The following C12orf60 variants were observed in gnomAD, a reference collection of about 807,000 sequenced individuals.
C12orf60 encodes chromosome 12 open reading frame 60.
For synonymous variants in C12orf60, 102 were observed against 94.6 expected, an observed-to-expected ratio of 1.08 and a Z score of -0.45; for missense variants, 284 against 283.2, an observed-to-expected ratio of 1.00 and a Z score of -0.02.
intron 1 of C12orf60, chr12:14,806,525 G>T (rs1261424186): frequency 6.2e-7 from 1 of 1,614,066 alleles, no homozygotes; most frequent in East Asian, 2.2e-5. Context: ...TCTCAATGGA[G>T]GCCAGCCTGC....
intron 1 of C12orf60, chr12:14,806,759 A>C (rs1950058743): frequency 1.4e-6 from 2 of 1,396,500 alleles, no homozygotes; most frequent in Admixed American, 2.3e-5. Flanking sequence ...ACTGTGTAGA[A>C]GGGACTAGGA....
At chr12:14,815,632 T>C (rs1950203319) in intron 1 of C12orf60, among the ~76,000 whole-genome samples, 1 of 152,194 alleles carries the variant, frequency 6.6e-6, no homozygotes, top group East Asian at 1.9e-4. Context: ...TTTGGAGATT[T>C]GGATTTCAGG....
intron 1 of C12orf60, among the ~76,000 whole-genome samples, chr12:14,817,951 G>A (rs1950248271): frequency 6.6e-6 from 1 of 152,018 alleles, no homozygotes; most frequent in African/African-American, 2.4e-5. Context: ...CCACTAACAG[G>A]GTAAAAGCAT....
intron 1 of C12orf60, among the ~76,000 whole-genome samples, chr12:14,808,873 G>T (rs1470560068): frequency 6.6e-6 from 1 of 152,134 alleles, no homozygotes; most frequent in Non-Finnish European, 1.5e-5. Flanking sequence ...TCCCTTTAAA[G>T]AAATTGCTTG....
chr12:14,810,773 A>C (rs185679871), intron 1 of C12orf60, among the ~76,000 whole-genome samples: 6 of 152,338 alleles, frequency 3.9e-5, no homozygotes, highest in Non-Finnish European at 1.5e-5. Flanking sequence ...GCTGGGCACC[A>C]CATGGAGAAC....
intron 1 of C12orf60, among the ~76,000 whole-genome samples, chr12:14,819,732 G>C (rs1313081599): frequency 1.3e-5 from 2 of 151,968 alleles, no homozygotes; most frequent in Non-Finnish European, 2.9e-5. Flanking sequence ...ATTTAAAAAT[G>C]CCTTTTCTGC....
chr12:14,823,758 C>A lies in C12orf60; in HGVS notation c.*85C>A. 7.8e-7 allele frequency: 1 copy of A among 1,286,826 alleles called. No individual in the cohort carries two copies. Among genetic ancestry groups the A allele is most frequent in the Non-Finnish European group, 1.0e-6 (1 of 954,320 alleles). 79.7% of individuals were successfully genotyped at this position (1,286,826 alleles called of 1,614,324 possible). A position where few individuals can be genotyped will look rare whatever the true frequency, so the allele number is the denominator to read the frequency against. ...TAGTAGTTTCTAAGATCTTTTGGTGCCAAACATGTGCTATGTTAGAACATA... is the reference window on the plus strand; with the variant it reads ...TAGTAGTTTCTAAGATCTTTTGGTGACAAACATGTGCTATGTTAGAACATA... On this transcript the variant is annotated 3_prime_UTR_variant, in exon 2 of 2. Coordinates refer to ENST00000330828, the MANE Select transcript of C12orf60 (RefSeq NM_175874.4).
At chr12:14,818,341 TTTTGGCTTTTG>T (rs1203670571) in intron 1 of C12orf60, among the ~76,000 whole-genome samples, 2 of 152,244 alleles carry the variant, frequency 1.3e-5, no homozygotes, top group African/African-American at 4.8e-5. Flanking sequence ...CATTTGTCAA[TTTTGGCTTTTG>T]TTGCAATTGC....
chr12:14,818,118 G>A (rs981618984), intron 1 of C12orf60, among the ~76,000 whole-genome samples: 9 of 152,100 alleles, frequency 5.9e-5, no homozygotes, highest in African/African-American at 9.7e-5. Flanking sequence ...TTTGTTGGTC[G>A]TGTAAAGATC....
chr12:14,818,931 ACT>A (rs1356793787), intron 1 of C12orf60, among the ~76,000 whole-genome samples: 1 of 151,566 alleles, frequency 6.6e-6, no homozygotes, highest in Non-Finnish European at 1.5e-5. Flanking sequence ...GAGTCCTCTA[ACT>A]CTGTTCCTTT....
intron 1 of C12orf60, among the ~76,000 whole-genome samples, chr12:14,819,991 G>A (rs1167211790): frequency 6.6e-6 from 1 of 151,992 alleles, no homozygotes; most frequent in African/African-American, 2.4e-5. Flanking sequence ...GAAACCATCT[G>A]TGCCTTGATT....
At chr12:14,809,766 A>G (rs1482910751) in intron 1 of C12orf60, among the ~76,000 whole-genome samples, 1 of 152,214 alleles carries the variant, frequency 6.6e-6, no homozygotes, top group African/African-American at 2.4e-5. Context: ...CCAATGTAAA[A>G]AGAACTGAAA....
intron 1 of C12orf60, among the ~76,000 whole-genome samples, chr12:14,812,021 A>G (rs989369470): frequency 1.3e-5 from 2 of 152,244 alleles, no homozygotes; most frequent in East Asian, 1.9e-4. Flanking sequence ...TAAACCTACC[A>G]TTTCACTTTT....
rs1322849691 is a variant in C12orf60, at chr12:14,823,501, A to G, written c.566A>G (p.Lys189Arg). 18 of 1,613,100 alleles carry G rather than the reference A, an allele frequency of 1.1e-5. No homozygotes were observed. Among genetic ancestry groups the G allele is most frequent in the Non-Finnish European group, 1.5e-5 (18 of 1,179,762 alleles). ...SSKTTMIDTLKKLQDVLKTED... is the reference protein window; with the variant it reads ...SSKTTMIDTLRKLQDVLKTED... Reference sequence around the variant, plus strand: ...AAAACCACTATGATAGACACCTTGAAAAAACTGCAGGATGTACTAAAAACT... The same window carrying G: ...AAAACCACTATGATAGACACCTTGAGAAAACTGCAGGATGTACTAAAAACT... Residue 189 changes from lysine to arginine, a missense_variant, in exon 2 of 2, where the codon AAA becomes AGA. Lys to Arg is a conservative substitution (Grantham distance 26). Transcript: ENST00000330828.
At chr12:14,810,824 C>T (rs1045777810) in intron 1 of C12orf60, among the ~76,000 whole-genome samples, 3 of 152,156 alleles carry the variant, frequency 2.0e-5, no homozygotes, top group African/African-American at 4.8e-5. Flanking sequence ...TTGCCCTTAA[C>T]AATTTAGTTC....
At chr12:14,809,230 A>G (rs1950100099) in intron 1 of C12orf60, among the ~76,000 whole-genome samples, 1 of 152,236 alleles carries the variant, frequency 6.6e-6, no homozygotes, top group Admixed American at 6.5e-5. Flanking sequence ...AAATGGAGAA[A>G]TGAACCTTCC....
intron 1 of C12orf60, among the ~76,000 whole-genome samples, chr12:14,809,689 G>A (rs1950106868): frequency 2.0e-5 from 3 of 152,070 alleles, no homozygotes; most frequent in Non-Finnish European, 4.4e-5. Flanking sequence ...TCGGTATGGA[G>A]TGGGACTTTA....
At chr12:14,814,749 G>C (rs71530930) in intron 1 of C12orf60, among the ~76,000 whole-genome samples, 1 of 152,040 alleles carries the variant, frequency 6.6e-6, no homozygotes, top group African/African-American at 2.4e-5. Flanking sequence ...TTCCCTGAAA[G>C]CTCAGATCAG....
intron 1 of C12orf60, among the ~76,000 whole-genome samples, chr12:14,818,302 C>T (rs565161585): frequency 1.4e-4 from 21 of 152,146 alleles, no homozygotes; most frequent in Admixed American, 1.0e-3. Flanking sequence ...TCTGTTGCTG[C>T]GCAGAAGCTC....
Sources: gnomAD v4.1 joint callset for allele counts (sites outside exome capture counted in the v4.1 genomes callset) on GRCh38, gnomAD v4.1.1 for gene constraint, MANE v1.5 for transcripts, NCBI Gene and HGNC (gene_info 2026-07-23, HGNC 2026-07-21) for gene names.